The following DPYD variants were observed in gnomAD, a reference collection of about 807,000 sequenced individuals.
DPYD encodes the protein dihydropyrimidine dehydrogenase.
A neutral mutation model predicts 116.2 loss-of-function variants in DPYD; 109 were observed. The observed-to-expected ratio is 0.94, with a 90% CI of 0.80 to 1.10. The LOEUF is 1.10. DPYD is among the 50% of genes least tolerant of loss of function. DPYD has a pLI of 0.00. For synonymous variants in DPYD, 440 were observed against 432.0 expected (o/e 1.02, Z -0.23); for missense variants, 1,302 against 1,254.5 (o/e 1.04, Z -0.57).
intron 18 of DPYD, among the ~76,000 whole-genome samples, chr1:97,305,055 A>C (rs1429616941): frequency 1.3e-5 from 2 of 151,990 alleles, no homozygotes; most frequent in Non-Finnish European, 2.9e-5. Flanking sequence ...AATTTGTGCA[A>C]GACCTTATCT....
chr1:97,134,042 T>A lies in DPYD; in HGVS notation c.2623-35410A>T, dbSNP rs1328468757. Among the ~76,000 whole-genome samples the A allele has an allele frequency of 3.2e-3, 183 of 56,726 alleles. 17 individuals are homozygous for A. The highest frequency in any genetic ancestry group is 0.014 in the African/African-American group (145 of 10,328). 37.2% of individuals were successfully genotyped at this position (56,726 alleles called of 152,430 possible). On this transcript the variant is annotated intron_variant, in intron 20 of 22. Coordinates refer to ENST00000370192, the MANE Select transcript of DPYD (RefSeq NM_000110.4). ...ATATATATATATATATATATATATA[T>A]ATATATATATATATATATATATATA...
At chr1:97,879,923 C>A (rs937983927) in intron 2 of DPYD, among the ~76,000 whole-genome samples, 2 of 151,636 alleles carry the variant, frequency 1.3e-5, no homozygotes, top group Admixed American at 6.6e-5. Flanking sequence ...TAAGAGAGGA[C>A]TATATAATGC....
intron 16 of DPYD, among the ~76,000 whole-genome samples, chr1:97,350,145 C>A (rs1670068498): frequency 6.6e-6 from 1 of 151,752 alleles, no homozygotes; most frequent in Admixed American, 6.6e-5. Flanking sequence ...AGAAGGAGAC[C>A]AAAGAAAAAG....
In DPYD at chr1:97,740,424, T is replaced by C. The variant is rs1664197872; in HGVS notation, c.289A>G (p.Ile97Val). 6 of 1,613,190 alleles carry C rather than the reference T, an allele frequency of 3.7e-6. No individual in the cohort carries two copies. The highest frequency in any genetic ancestry group is 1.1e-5 in the South Asian group (1 of 91,068). The part of the protein sequence containing the change: ...CQKSCPTNLD[I>V]KSFITSIANK... ...GCAATACTTGTGATGAATGATTTAA[T>C]ATCAAGATTAGTTGGACAGCTCTTC... Residue 97 changes from isoleucine to valine, a missense_variant, in exon 4 of 23, where the codon ATT (isoleucine) becomes GTT (valine). Ile to Val is a conservative substitution (Grantham distance 29, BLOSUM62 3). Transcript: ENST00000370192.
At chr1:97,454,644 C>T (rs1444743729) in intron 13 of DPYD, among the ~76,000 whole-genome samples, 2 of 151,752 alleles carry the variant, frequency 1.3e-5, no homozygotes, top group African/African-American at 2.4e-5. Context: ...GTATTAGTGA[C>T]CTTTTAACAT....
chr1:97,195,528 GAGA>G (rs1658698675), intron 19 of DPYD, among the ~76,000 whole-genome samples: 1 of 24,096 alleles, frequency 4.2e-5, no homozygotes, highest in African/African-American at 2.5e-4. Context: ...AGGAGAGAGA[GAGA>G]GAGAGAGAGA....
intron 7 of DPYD, among the ~76,000 whole-genome samples, chr1:97,684,559 T>C (rs1197617500): frequency 6.6e-6 from 1 of 150,994 alleles, no homozygotes; most frequent in Non-Finnish European, 1.5e-5. Context: ...GAGCTGGTTT[T>C]TTGAAAAAAA....
At chr1:97,645,705 T>C (rs1658221030) in intron 8 of DPYD, among the ~76,000 whole-genome samples, 1 of 152,122 alleles carries the variant, frequency 6.6e-6, no homozygotes, top group Non-Finnish European at 1.5e-5. Context: ...ATATGGTCTT[T>C]CCTTACTACA....
chr1:97,683,759 T>A (rs1172557087), intron 7 of DPYD, among the ~76,000 whole-genome samples: 2 of 151,958 alleles, frequency 1.3e-5, no homozygotes, highest in African/African-American at 4.8e-5. Context: ...GCTTGATAAA[T>A]TTAAAAAATG....
intron 19 of DPYD, among the ~76,000 whole-genome samples, chr1:97,199,910 C>G (rs1200783437): frequency 6.6e-6 from 1 of 152,072 alleles, no homozygotes; most frequent in African/African-American, 2.4e-5. Flanking sequence ...ATTTCAAGTG[C>G]CTGGCAGAGG....
chr1:97,408,659 C>T (rs756651493), intron 14 of DPYD, among the ~76,000 whole-genome samples: 2 of 152,042 alleles, frequency 1.3e-5, no homozygotes, highest in African/African-American at 2.4e-5. Context: ...CGTATTGTTC[C>T]TAATTGTGTC....
intron 18 of DPYD, among the ~76,000 whole-genome samples, chr1:97,290,232 A>G (rs558690697): frequency 6.6e-6 from 1 of 152,286 alleles, no homozygotes; most frequent in African/African-American, 2.4e-5. Context: ...GGTAGGAAGA[A>G]TCAATATCGT....
chr1:97,086,168 C>T (rs934298049), intron 21 of DPYD, among the ~76,000 whole-genome samples: 1 of 152,132 alleles, frequency 6.6e-6, no homozygotes, highest in Non-Finnish European at 1.5e-5. Flanking sequence ...ATTCTCCTCC[C>T]TCAGCCTCCC....
intron 13 of DPYD, among the ~76,000 whole-genome samples, chr1:97,453,577 A>G (rs934313334): frequency 6.6e-6 from 1 of 152,120 alleles, no homozygotes; most frequent in Non-Finnish European, 1.5e-5. Context: ...CACAAAGCCA[A>G]CATCTCACAT....
chr1:97,819,762 T>C (rs1211707396), intron 3 of DPYD, among the ~76,000 whole-genome samples: 1 of 152,044 alleles, frequency 6.6e-6, no homozygotes, highest in South Asian at 2.1e-4. Context: ...AAGAATTCCA[T>C]AAAATTTCCT....
At chr1:97,420,513 C>T (rs936962524) in intron 14 of DPYD, among the ~76,000 whole-genome samples, 5 of 151,956 alleles carry the variant, frequency 3.3e-5, no homozygotes, top group African/African-American at 1.2e-4. Context: ...AGGATCTTTC[C>T]AAAATGCAAG....
At chr1:97,584,490 C>T (rs1017285288) in intron 10 of DPYD, among the ~76,000 whole-genome samples, 1 of 151,988 alleles carries the variant, frequency 6.6e-6, no homozygotes, top group Admixed American at 6.6e-5. Context: ...TTGCCCATGC[C>T]TATGTCCTGA....
At chr1:97,323,376 GTATATGTACACGTATGTA>G (rs1668456140) in intron 16 of DPYD, among the ~76,000 whole-genome samples, 1 of 115,410 alleles carries the variant, frequency 8.7e-6, no homozygotes, top group Non-Finnish European at 2.1e-5. Context: ...GTATACATGT[GTATATGTACACGTATGTA>G]TACATATGTG....
chr1:97,689,067 TC>T (rs976809566), intron 7 of DPYD, among the ~76,000 whole-genome samples: 5 of 150,464 alleles, frequency 3.3e-5, no homozygotes, highest in African/African-American at 1.2e-4. Flanking sequence ...GTATTATACC[TC>T]TTTTTTTTTT....
Sources: allele counts gnomAD v4.1 joint callset (sites outside exome capture counted in the v4.1 genomes callset), GRCh38; gene constraint gnomAD v4.1.1; transcripts MANE v1.5; gene names NCBI Gene and HGNC (gene_info 2026-07-23, HGNC 2026-07-21).